Variants in ARHGAP26 observed in about 807,000 individuals in gnomAD.
ARHGAP26 encodes the protein Rho GTPase activating protein 26.
In ARHGAP26, 38 loss-of-function variants were observed where a neutral mutation model predicts 104.8. The observed-to-expected ratio is 0.36, with a 90% confidence interval of 0.28 to 0.48. The LOEUF (loss-of-function observed/expected upper bound fraction) is 0.48. ARHGAP26 is among the 20% of genes least tolerant of loss of function. The pLI, the probability that ARHGAP26 is intolerant of heterozygous loss-of-function variation, is 0.99. For synonymous variants in ARHGAP26, 341 were observed against 340.0 expected (o/e 1.00, Z -0.03); for missense variants, 704 against 947.9 (o/e 0.74, Z 3.38).
intron 5 of ARHGAP26, among the ~76,000 whole-genome samples, chr5:142,887,175 G>T (rs1757829067): frequency 1.3e-5 from 2 of 152,286 alleles, no homozygotes; most frequent in South Asian, 2.1e-4. Context: ...GTCAAATATT[G>T]CAGACTTGGT....
chr5:142,771,712 A>G (rs1486775922), intron 1 of ARHGAP26, among the ~76,000 whole-genome samples: 2 of 152,198 alleles, frequency 1.3e-5, no homozygotes, highest in African/African-American at 4.8e-5. Flanking sequence ...GAATATCCAT[A>G]ATTCTCAGAA....
chr5:142,812,249 A>G (rs2152027589), intron 1 of ARHGAP26, among the ~76,000 whole-genome samples: 1 of 152,230 alleles, frequency 6.6e-6, no homozygotes, highest in Non-Finnish European at 1.5e-5. Flanking sequence ...GGTCTAATAC[A>G]GAGGTATTTT....
chr5:142,923,415 A>G (rs1763461628), intron 10 of ARHGAP26, among the ~76,000 whole-genome samples: 1 of 152,212 alleles, frequency 6.6e-6, no homozygotes. Flanking sequence ...GAATAGTAAA[A>G]ATGAAAAAAA....
intron 14 of ARHGAP26, among the ~76,000 whole-genome samples, chr5:143,048,924 A>G (rs1784602338): frequency 6.6e-6 from 1 of 151,382 alleles, no homozygotes. Context: ...AAAAAGAAAA[A>G]AAAAAAAAAA....
At chr5:143,216,614 G>A (rs751429925) in intron 22 of ARHGAP26, 92 of 226,262 alleles carry the variant, frequency 4.1e-4, no homozygotes, top group Non-Finnish European at 7.7e-4. Context: ...AGGTATTGTT[G>A]AGAGCAGGAG....
At position 142,907,946 on chromosome 5, in the gene ARHGAP26, A is replaced by G. The variant is rs577096277; in HGVS notation, c.933+142A>G. ...TTAATAATTTAAAAAATTTTTATATAGTAGTTCAGGAAGCCTAAGAGGCTG... is the reference window on the plus strand; with the variant it reads ...TTAATAATTTAAAAAATTTTTATATGGTAGTTCAGGAAGCCTAAGAGGCTG... On this transcript the variant is annotated intron_variant, in intron 9 of 22. Transcript: ENST00000645722. The G allele has an allele frequency of 1.7e-4, 70 of 413,886 alleles. 1 individual carries two copies. In the South Asian group the frequency reaches 4.9e-3, roughly 29 times the overall value. The allele number at this position is 413,886 out of a possible 1,614,324, so 25.6% of individuals were successfully genotyped here. A position where few individuals can be genotyped will look rare whatever the true frequency, so the allele number is the denominator to read the frequency against.
chr5:143,118,608 G>A (rs182032891), intron 17 of ARHGAP26, among the ~76,000 whole-genome samples: 3 of 152,222 alleles, frequency 2.0e-5, no homozygotes, highest in East Asian at 1.9e-4. Context: ...CTGTCTCTAC[G>A]GAAAAATTTA....
chr5:143,082,008 T>G (rs1185577563), intron 17 of ARHGAP26, among the ~76,000 whole-genome samples: 8 of 71,744 alleles, frequency 1.1e-4, no homozygotes, highest in African/African-American at 3.7e-4. Flanking sequence ...AGACTCCATC[T>G]CAAAAAAAAA....
chr5:142,817,363 C>T (rs1765336328), intron 1 of ARHGAP26, among the ~76,000 whole-genome samples: 1 of 152,134 alleles, frequency 6.6e-6, no homozygotes, highest in South Asian at 2.1e-4. Context: ...AGAGAAGAGG[C>T]TTGGGTAGAA....
rs1811448435 is a variant in ARHGAP26, at chr5:143,223,843, G to C, written c.*1397G>C. ...TGAAAAGAGGCTGGATCTTGTGGAA[G>C]ACTGTCTTGGATGGGGAAGTACTAC... On this transcript the variant is annotated 3_prime_UTR_variant, in exon 23 of 23. Transcript: ENST00000645722. The C allele has an allele frequency of 4.3e-6, 1 of 232,130 alleles. No homozygotes were observed. Among genetic ancestry groups the C allele is most frequent in the African/African-American group, 2.2e-5 (1 of 45,276 alleles). 14.4% of individuals were successfully genotyped at this position (232,130 alleles called of 1,614,324 possible). A position where few individuals can be genotyped will look rare whatever the true frequency, so the allele number is the denominator to read the frequency against.
intron 11 of ARHGAP26, among the ~76,000 whole-genome samples, chr5:143,011,589 C>T (rs1443763262): frequency 2.6e-5 from 4 of 152,256 alleles, no homozygotes; most frequent in African/African-American, 9.6e-5. Context: ...CCGCTATGCC[C>T]TTCCTCAATA....
rs1423093776 is a variant in ARHGAP26 at position 143,208,070 on chromosome 5, A to G, written c.2099+762A>G. Among the ~76,000 whole-genome samples, 3 of 152,200 alleles carry G rather than the reference A, an allele frequency of 2.0e-5. No homozygotes were observed. The East Asian group carries it at 5.8e-4, about 29-fold the overall frequency. On this transcript the variant is annotated intron_variant, in intron 21 of 22. Coordinates refer to ENST00000645722, the MANE Select transcript of ARHGAP26 (RefSeq NM_001135608.3). ...AGCCTGAGCTGTCCTGGGAACAGGC[A>G]CTACCTCTCTCTGAGGGAGAGCAGC...
intron 20 of ARHGAP26, among the ~76,000 whole-genome samples, chr5:143,185,340 G>T (rs936866375): frequency 6.3e-5 from 9 of 143,584 alleles, no homozygotes; most frequent in African/African-American, 2.5e-4. Context: ...TTTGTCTTTT[G>T]CCTGTTGTTT....
intron 11 of ARHGAP26, among the ~76,000 whole-genome samples, chr5:143,012,317 G>A (rs1168779042): frequency 6.6e-6 from 1 of 151,058 alleles, no homozygotes; most frequent in Non-Finnish European, 1.5e-5. Context: ...TTATGGATGA[G>A]GCAATAGATG....
chr5:143,005,658 T>C (rs1777843675), intron 11 of ARHGAP26, among the ~76,000 whole-genome samples: 1 of 152,238 alleles, frequency 6.6e-6, no homozygotes. Flanking sequence ...TACTAAGAGA[T>C]AAGTTGCTTA....
At chr5:143,047,470 C>G (rs1339648644) in intron 14 of ARHGAP26, among the ~76,000 whole-genome samples, 1 of 152,138 alleles carries the variant, frequency 6.6e-6, no homozygotes, top group Non-Finnish European at 1.5e-5. Flanking sequence ...ATATGCATCT[C>G]TAATTATTTC....
chr5:143,103,596 AC>A (rs771629675), intron 17 of ARHGAP26, among the ~76,000 whole-genome samples: 63 of 152,096 alleles, frequency 4.1e-4, no homozygotes, highest in Non-Finnish European at 7.6e-4. Flanking sequence ...GCACATATAC[AC>A]CATGGAATAC....
intron 17 of ARHGAP26, among the ~76,000 whole-genome samples, chr5:143,097,112 G>C (rs1792446060): frequency 6.6e-6 from 1 of 152,104 alleles, no homozygotes; most frequent in Admixed American, 6.5e-5. Context: ...ACCAATGCGG[G>C]AGGATCTTTT....
intron 17 of ARHGAP26, among the ~76,000 whole-genome samples, chr5:143,070,859 C>T (rs1252054961): frequency 6.6e-6 from 1 of 152,102 alleles, no homozygotes; most frequent in African/African-American, 2.4e-5. Flanking sequence ...TTGCAGTGAG[C>T]CAAGATTGTG....
Sources: allele counts gnomAD v4.1 joint callset (sites outside exome capture counted in the v4.1 genomes callset), GRCh38; gene constraint gnomAD v4.1.1; transcripts MANE v1.5; gene names NCBI Gene and HGNC (gene_info 2026-07-23, HGNC 2026-07-21).